The following SCHIP1 variants were observed in gnomAD, a reference collection of about 807,000 sequenced individuals.
SCHIP1 encodes schwannomin interacting protein 1, also known as schwannomin-interacting protein 1.
SCHIP1 carries 8 observed loss-of-function variants against 29.7 expected under a neutral mutation model. That is an observed-to-expected ratio of 0.27 (90% CI 0.16 to 0.49). The LOEUF is 0.49. Among genes scored for constraint, SCHIP1 ranks in the 20% least tolerant of loss-of-function variants. The pLI, the probability that SCHIP1 is intolerant of heterozygous loss-of-function variation, is 0.99. For synonymous variants in SCHIP1, 76 were observed against 94.9 expected, an observed-to-expected ratio of 0.80 and a Z score of 1.16; for missense variants, 193 against 294.6, an observed-to-expected ratio of 0.66 and a Z score of 2.52.
At chr3:159,374,510 G>A in the SCHIP1 span, among the ~76,000 whole-genome samples, 4 of 152,190 alleles carry the variant, frequency 2.6e-5, no homozygotes, top group South Asian at 2.1e-4. Flanking sequence ...CACATATCAC[G>A]AAGAAGCAGG....
chr3:159,676,609 G>T, the SCHIP1 span, among the ~76,000 whole-genome samples: 1 of 152,166 alleles, frequency 6.6e-6, no homozygotes, highest in Admixed American at 6.5e-5. Flanking sequence ...GGGGTAAACA[G>T]ACCTTGAGCA....
the SCHIP1 span, among the ~76,000 whole-genome samples, chr3:159,696,647 T>A: frequency 6.6e-6 from 1 of 152,318 alleles, no homozygotes; most frequent in Non-Finnish European, 1.5e-5. Flanking sequence ...TCTTACAGGA[T>A]TGCAGGGAGA....
the SCHIP1 span, among the ~76,000 whole-genome samples, chr3:159,581,928 T>C: frequency 6.6e-6 from 1 of 152,186 alleles, no homozygotes; most frequent in African/African-American, 2.4e-5. Context: ...ATATAGAAAA[T>C]ATTGCTGAAG....
At chr3:159,605,995 C>G in the SCHIP1 span, among the ~76,000 whole-genome samples, 1 of 152,184 alleles carries the variant, frequency 6.6e-6, no homozygotes, top group Non-Finnish European at 1.5e-5. Context: ...ATCTACACTA[C>G]AGCTGCCTCA....
the SCHIP1 span, among the ~76,000 whole-genome samples, chr3:159,303,643 G>A: frequency 1.3e-5 from 2 of 152,184 alleles, no homozygotes; most frequent in African/African-American, 4.8e-5. Flanking sequence ...GGGGAAAGCT[G>A]TGAAGGTTTA....
the SCHIP1 span, among the ~76,000 whole-genome samples, chr3:159,571,701 G>A: frequency 6.6e-6 from 1 of 152,174 alleles, no homozygotes; most frequent in Non-Finnish European, 1.5e-5. Context: ...AGAAGGAATG[G>A]TACTAGCTCC....
chr3:159,587,921 A>G, the SCHIP1 span, among the ~76,000 whole-genome samples: 7 of 152,348 alleles, frequency 4.6e-5, no homozygotes, highest in Non-Finnish European at 7.3e-5. Context: ...TAGTTCCACA[A>G]TAAACATACG....
chr3:159,387,339 G>A, the SCHIP1 span: 1 of 375,012 alleles, frequency 2.7e-6, no homozygotes, highest in Non-Finnish European at 5.2e-6. Context: ...CATTTTTATG[G>A]GCAGGGAGAA....
At chr3:159,395,361 GC>G in the SCHIP1 span, among the ~76,000 whole-genome samples, 1 of 152,066 alleles carries the variant, frequency 6.6e-6, no homozygotes, top group Non-Finnish European at 1.5e-5. Flanking sequence ...CCTTCTGCTA[GC>G]TTTTGAATGT....
the SCHIP1 span, among the ~76,000 whole-genome samples, chr3:159,538,155 T>C: frequency 6.6e-6 from 1 of 152,154 alleles, no homozygotes; most frequent in Non-Finnish European, 1.5e-5. Flanking sequence ...TGCAAGGAGT[T>C]GCTATTTTAA....
chr3:159,626,379 T>A, the SCHIP1 span, among the ~76,000 whole-genome samples: 1 of 151,550 alleles, frequency 6.6e-6, no homozygotes. Flanking sequence ...GTGGAGTCTA[T>A]CTTCCTTCAC....
the SCHIP1 span, among the ~76,000 whole-genome samples, chr3:159,682,619 A>G: frequency 6.6e-6 from 1 of 152,332 alleles, no homozygotes; most frequent in African/African-American, 2.4e-5. Flanking sequence ...GGACATTATT[A>G]TAGAAAAATT....
the SCHIP1 span, among the ~76,000 whole-genome samples, chr3:159,626,701 G>A: frequency 6.6e-6 from 1 of 152,150 alleles, no homozygotes; most frequent in African/African-American, 2.4e-5. Context: ...GTTGTGAGAA[G>A]TATCCTTCTC....
chr3:159,432,792 A>C, the SCHIP1 span, among the ~76,000 whole-genome samples: 1 of 152,162 alleles, frequency 6.6e-6, no homozygotes, highest in East Asian at 1.9e-4. Context: ...CAGTGTTTGC[A>C]TTGATAATAG....
At chr3:159,671,402 C>G in the SCHIP1 span, among the ~76,000 whole-genome samples, 1 of 152,132 alleles carries the variant, frequency 6.6e-6, no homozygotes, top group African/African-American at 2.4e-5. Context: ...CCTTTGTCCT[C>G]CTTCTCGGTC....
the SCHIP1 span, among the ~76,000 whole-genome samples, chr3:159,335,654 C>G: frequency 5.3e-5 from 8 of 152,136 alleles, no homozygotes; most frequent in African/African-American, 1.9e-4. Context: ...TCATCCATGT[C>G]CCTATAAAGG....
chr3:159,770,778 G>A, the SCHIP1 span, among the ~76,000 whole-genome samples: 1 of 152,114 alleles, frequency 6.6e-6, no homozygotes, highest in Non-Finnish European at 1.5e-5. Context: ...CTCCCTTCAG[G>A]TGGCTGGGTG....
At chr3:159,539,041 C>A in the SCHIP1 span, among the ~76,000 whole-genome samples, 1 of 152,054 alleles carries the variant, frequency 6.6e-6, no homozygotes, top group South Asian at 2.1e-4. Flanking sequence ...GTATCTATCC[C>A]TACAAATGGC....
chr3:159,632,111 T>C, the SCHIP1 span, among the ~76,000 whole-genome samples: 11 of 152,290 alleles, frequency 7.2e-5, no homozygotes, highest in African/African-American at 2.6e-4. Context: ...TCATCTAGAT[T>C]GTACTAGGGC....
Sources: gnomAD v4.1 joint callset for allele counts (sites outside exome capture counted in the v4.1 genomes callset) on GRCh38, gnomAD v4.1.1 for gene constraint, MANE v1.5 for transcripts, NCBI Gene and HGNC (gene_info 2026-07-23, HGNC 2026-07-21) for gene names.